The following EPS15 variants were observed in gnomAD, a reference collection of about 807,000 sequenced individuals.
EPS15 encodes epidermal growth factor receptor pathway substrate 15.
A neutral mutation model predicts 113.8 loss-of-function variants in EPS15; 72 were observed. That is an observed-to-expected ratio of 0.63 (90% confidence interval 0.52 to 0.77). The LOEUF (loss-of-function observed/expected upper bound fraction) is 0.77. EPS15 is among the 30% of genes least tolerant of loss of function. The probability of loss-of-function intolerance (pLI) is 0.00; values close to 1 mark genes in which losing one functional copy is unlikely to be tolerated. For missense variants in EPS15, 1,048 were observed against 1,045.8 expected, an observed-to-expected ratio of 1.00 and a Z score of -0.03; for synonymous variants, 344 against 363.4, an observed-to-expected ratio of 0.95 and a Z score of 0.61.
At chr1:51,411,835 G>A (rs1483334093) in intron 13 of EPS15, among the ~76,000 whole-genome samples, 2 of 152,160 alleles carry the variant, frequency 1.3e-5, no homozygotes, top group East Asian at 3.8e-4. Flanking sequence ...AATACCATTT[G>A]ACCCAGCAAT....
At chr1:51,508,342 A>AAG (rs1553139587) in intron 1 of EPS15, among the ~76,000 whole-genome samples, 1 of 102,830 alleles carries the variant, frequency 9.7e-6, no homozygotes, top group African/African-American at 4.4e-5. Flanking sequence ...GAAAGAGAGA[A>AAG]AGAAAGAAAG....
intron 1 of EPS15, among the ~76,000 whole-genome samples, chr1:51,511,584 G>A (rs1304018529): frequency 6.6e-6 from 1 of 152,144 alleles, no homozygotes; most frequent in Non-Finnish European, 1.5e-5. Flanking sequence ...ATATTTGTCA[G>A]TGTCTGGAGA....
chr1:51,496,909 T>C lies in EPS15; in HGVS notation c.34-15595A>G, dbSNP rs141328882. Among the ~76,000 whole-genome samples the C allele has an allele frequency of 9.6e-4, 146 of 152,320 alleles. 1 individual carries two copies. The highest frequency in any genetic ancestry group is 3.5e-3 in the African/African-American group (145 of 41,588). On this transcript the variant is annotated intron_variant, in intron 1 of 24. Transcript: ENST00000371733. ...ATGTCTACTATGTGACATATGACAG[T>C]GGACACTTCGATTCTGAGTTCTAGA...
At chr1:51,455,268 T>C (rs1367194976) in intron 8 of EPS15, among the ~76,000 whole-genome samples, 2 of 152,226 alleles carry the variant, frequency 1.3e-5, no homozygotes, top group Non-Finnish European at 2.9e-5. Context: ...TAATTTTAGA[T>C]ACATTTCTAG....
chr1:51,402,341 T>G, intron 18 of EPS15, 94 bp downstream of exon 18: 1 of 605,374 alleles, frequency 1.7e-6, no homozygotes, highest in Non-Finnish European at 2.8e-6. Flanking sequence ...ACTGAGTTGG[T>G]AGGCTATTGA....
chr1:51,461,045 A>G (rs550853422), intron 8 of EPS15, 46 bp downstream of exon 8: 7 of 1,267,072 alleles, frequency 5.5e-6, no homozygotes, highest in Admixed American at 5.2e-5. Flanking sequence ...TGCACATGAG[A>G]AAATCATTAA....
intron 12 of EPS15, among the ~76,000 whole-genome samples, chr1:51,434,542 G>A (rs984824535): frequency 6.6e-6 from 1 of 152,202 alleles, no homozygotes; most frequent in African/African-American, 2.4e-5. Context: ...CTGCTATGAG[G>A]AAGGGCGGGG....
chr1:51,511,425 G>A (rs976321704), intron 1 of EPS15, among the ~76,000 whole-genome samples: 19 of 151,980 alleles, frequency 1.3e-4, no homozygotes, highest in Admixed American at 9.2e-4. Flanking sequence ...GAACCCAGGG[G>A]TGGAGGTTGC....
Position 51,408,238 on chromosome 1 carries a change from AG to A in EPS15, c.1369del (p.Leu457TyrfsTer12). The A allele has an allele frequency of 6.2e-7, 1 of 1,614,108 alleles. No homozygotes were observed. The highest frequency in any genetic ancestry group is 8.5e-7 in the Non-Finnish European group (1 of 1,179,938). On this transcript the variant is annotated frameshift_variant, in exon 15 of 25. Transcript: ENST00000371733. LOFTEE classifies it high-confidence loss of function. ...LAKAREELSR[L>X]QQETAELEES... ...CTCCAATTCTGCTGTTTCTTGCTGT[AG>A]ACGGCTCAGCTCTTCTCTAGCTTTT...
chr1:51,356,828 T>C lies in EPS15; in HGVS notation c.2563A>G (p.Met855Val), dbSNP rs762215994. Residue 855 changes from methionine to valine, a missense_variant, in exon 25 of 25, where the codon ATG becomes GTG. By Grantham distance (21) the Met-to-Val change is conservative (BLOSUM62 1). Coordinates refer to ENST00000371733, the MANE Select transcript of EPS15 (RefSeq NM_001981.3). ...NFSAYPSEED[M>V]IEWAKRESER... ...CTTTCCCTCTTGGCCCATTCGATCA[T>C]ATCTTCTTCAGAGGGATACTGCCAT... is the stretch of plus-strand genomic sequence containing the variant. 4.3e-6 allele frequency: 7 copies of C among 1,613,020 alleles called. No individual in the cohort carries two copies. In the South Asian group the frequency reaches 4.4e-5, roughly 10 times the overall value.
chr1:51,365,937 A>G lies in EPS15; in HGVS notation c.2196+16T>C, dbSNP rs1178659171. 1.3e-6 allele frequency: 2 copies of G among 1,549,332 alleles called. No homozygotes were observed. Among genetic ancestry groups the G allele is most frequent in the Non-Finnish European group, 1.8e-6 (2 of 1,128,672 alleles). On this transcript the variant is annotated intron_variant, in intron 22 of 24. Transcript: ENST00000371733. ...ACACAGTATGTTTTCCCTTCCCATTAATTACTGTAGATTACCTTTGACAAT... is the reference window on the plus strand; with the variant it reads ...ACACAGTATGTTTTCCCTTCCCATTGATTACTGTAGATTACCTTTGACAAT...
intron 1 of EPS15, among the ~76,000 whole-genome samples, chr1:51,504,029 A>G (rs761443533): frequency 1.8e-4 from 27 of 152,214 alleles, no homozygotes; most frequent in Admixed American, 1.1e-3. Flanking sequence ...AATCTTCATG[A>G]CCTTAGATTT....
chr1:51,435,429 G>A (rs1260932661), intron 12 of EPS15, among the ~76,000 whole-genome samples: 9 of 152,070 alleles, frequency 5.9e-5, no homozygotes, highest in Non-Finnish European at 1.3e-4. Context: ...CCTGACCTCA[G>A]GTGATCCACA....
chr1:51,454,635 G>C (rs950833706), intron 8 of EPS15, among the ~76,000 whole-genome samples: 1 of 152,184 alleles, frequency 6.6e-6, no homozygotes, highest in Non-Finnish European at 1.5e-5. Context: ...CTTCAAAAAT[G>C]TCAAGGTCAT....
intron 14 of EPS15, among the ~76,000 whole-genome samples, chr1:51,408,793 T>C (rs1649397093): frequency 6.9e-6 from 1 of 145,890 alleles, no homozygotes; most frequent in Admixed American, 6.9e-5. Flanking sequence ...ACGCCTGGCT[T>C]TCAATTTTTT....
chr1:51,397,842 A>G (rs1203059358), intron 20 of EPS15, among the ~76,000 whole-genome samples: 6 of 152,214 alleles, frequency 3.9e-5, no homozygotes, highest in Non-Finnish European at 8.8e-5. Context: ...AATGCTTCTC[A>G]GTTAACTGGT....
chr1:51,455,772 A>T (rs1653950128), intron 8 of EPS15, among the ~76,000 whole-genome samples: 1 of 152,172 alleles, frequency 6.6e-6, no homozygotes, highest in African/African-American at 2.4e-5. Context: ...AATCACAGAT[A>T]TTTTAAAAAT....
chr1:51,444,417 G>A (rs1012337894), intron 11 of EPS15, among the ~76,000 whole-genome samples: 1 of 152,136 alleles, frequency 6.6e-6, no homozygotes, highest in Non-Finnish European at 1.5e-5. Context: ...AGCAAAAACC[G>A]CACAGATACA....
In EPS15 at chr1:51,366,004, A is replaced by G. The variant is rs1646499534; in HGVS notation, c.2145T>C (p.Phe715=). The part of the protein sequence containing the change: ...DSATDPFASV[F]GNESFGGGFA... ...ATCCACCTCCAAATGATTCATTCCC[A>G]AAAACAGAAGCAAAGGGGTCTGTGG... Residue 715 remains phenylalanine (F), a synonymous_variant, in exon 22 of 25, where the codon TTT becomes TTC. Transcript: ENST00000371733. The G allele has an allele frequency of 2.5e-6, 4 of 1,612,408 alleles. No individual in the cohort carries two copies. Among genetic ancestry groups the G allele is most frequent in the Non-Finnish European group, 3.4e-6 (4 of 1,178,886 alleles).
Sources: allele counts gnomAD v4.1 joint callset (sites outside exome capture counted in the v4.1 genomes callset), GRCh38; gene constraint gnomAD v4.1.1; transcripts MANE v1.5; gene names NCBI Gene and HGNC (gene_info 2026-07-23, HGNC 2026-07-21).